The following KIAA1217 variants were observed in gnomAD, a reference collection of about 807,000 sequenced individuals.
The protein encoded by KIAA1217 is KIAA1217, also known as sickle tail protein homolog.
Under a neutral mutation model 163.9 loss-of-function variants are expected in KIAA1217, and 88 were observed. The ratio of observed to expected loss-of-function variants is 0.54; its 90% confidence interval spans 0.45 to 0.64. The LOEUF is 0.64. KIAA1217 is among the 30% of genes least tolerant of loss of function. The pLI is 0.00. For synonymous variants in KIAA1217, 903 were observed against 923.1 expected (o/e 0.98, Z 0.39); for missense variants, 2,372 against 2,475.0 (o/e 0.96, Z 0.88).
At chr10:23,705,776 G>C (rs1836844257) in intron 1 of KIAA1217, among the ~76,000 whole-genome samples, 1 of 152,036 alleles carries the variant, frequency 6.6e-6, no homozygotes, top group Non-Finnish European at 1.5e-5. Flanking sequence ...CTGTGAAAAA[G>C]AAAAAAATAA....
At chr10:23,735,866 A>G (rs1021719750) in intron 1 of KIAA1217, among the ~76,000 whole-genome samples, 4 of 152,244 alleles carry the variant, frequency 2.6e-5, no homozygotes, top group African/African-American at 9.6e-5. Flanking sequence ...GAAACAATCA[A>G]CCATCAACAT....
intron 2 of KIAA1217, among the ~76,000 whole-genome samples, chr10:24,072,413 A>T (rs948718160): frequency 9.2e-5 from 14 of 152,208 alleles, no homozygotes; most frequent in African/African-American, 3.4e-4. Flanking sequence ...TACATTTAAG[A>T]TTGGTCAAAA....
chr10:24,008,229 G>A (rs1396636018), intron 2 of KIAA1217, among the ~76,000 whole-genome samples: 2 of 151,988 alleles, frequency 1.3e-5, no homozygotes, highest in African/African-American at 2.4e-5. Flanking sequence ...TCTCAATACC[G>A]TCTTCATTCA....
intron 3 of KIAA1217, among the ~76,000 whole-genome samples, chr10:24,386,829 T>C (rs924222487): frequency 1.8e-4 from 27 of 152,324 alleles, no homozygotes; most frequent in African/African-American, 5.8e-4. Flanking sequence ...TCCTCCCACA[T>C]TGGCCTCTTA....
At chr10:24,494,640 A>G (rs767681759) in intron 7 of KIAA1217, 36 bp downstream of exon 7, 3 of 1,328,072 alleles carry the variant, frequency 2.3e-6, no homozygotes, top group Non-Finnish European at 3.2e-6. Context: ...AAAATAATTC[A>G]ATCTGTTTCT....
chr10:24,344,771 C>T (rs528620816), intron 2 of KIAA1217, among the ~76,000 whole-genome samples: 7 of 152,148 alleles, frequency 4.6e-5, no homozygotes, highest in Non-Finnish European at 7.4e-5. Context: ...ATTTATATGG[C>T]GAGAAAATAA....
At chr10:24,367,420 T>C (rs969391856) in intron 2 of KIAA1217, among the ~76,000 whole-genome samples, 10 of 152,222 alleles carry the variant, frequency 6.6e-5, no homozygotes, top group Admixed American at 2.6e-4. Context: ...AAATGAACAC[T>C]AATTGCATGC....
chr10:23,695,399 G>A lies in KIAA1217; in HGVS notation c.-321+165G>A, dbSNP rs1001889663. ...AGAGAGGGCAAGGACCCCCCCAGGA[G>A]GGCCAGGCCGGGAGGGGTCCCGGTG... On this transcript the variant is annotated intron_variant, in intron 1 of 18. Transcript: ENST00000376462. This position sits in a 1 kb window ranked among gnomAD's most constrained non-coding sequence, Gnocchi z 4.9. Among the ~76,000 whole-genome samples, 1 of 152,172 alleles carries A rather than the reference G, an allele frequency of 6.6e-6. No individual in the cohort carries two copies. Among genetic ancestry groups the A allele is most frequent in the African/African-American group, 2.4e-5 (1 of 41,458 alleles).
intron 3 of KIAA1217, 23 bp from the exon 4 acceptor site, chr10:24,432,972 A>G: frequency 1.9e-6 from 3 of 1,607,868 alleles, no homozygotes; most frequent in Non-Finnish European, 2.6e-6. Context: ...CCTGTGACTA[A>G]TAACTGTTTC....
intron 17 of KIAA1217, among the ~76,000 whole-genome samples, chr10:24,538,915 G>A (rs1411727296): frequency 1.3e-5 from 2 of 151,530 alleles, no homozygotes; most frequent in Admixed American, 6.6e-5. Flanking sequence ...TGTATTTTTA[G>A]TAGAGATGGG....
intron 2 of KIAA1217, among the ~76,000 whole-genome samples, chr10:24,234,875 G>A (rs938785360): frequency 2.0e-5 from 3 of 152,072 alleles, no homozygotes; most frequent in South Asian, 2.1e-4. Flanking sequence ...ATTTAAATGC[G>A]AAACAATGGC....
chr10:24,382,842 TTC>T (rs55715407), intron 3 of KIAA1217, among the ~76,000 whole-genome samples: 42,125 of 113,956 alleles, frequency 0.37, 6,677 homozygotes, highest in African/African-American at 0.52. Context: ...GGTTTTTCTT[TTC>T]TTTTTTTTTT....
intron 1 of KIAA1217, among the ~76,000 whole-genome samples, chr10:23,924,465 T>G (rs187073963): frequency 6.6e-6 from 1 of 152,180 alleles, no homozygotes; most frequent in Non-Finnish European, 1.5e-5. Flanking sequence ...AAGAGGAAGA[T>G]GTAAAGATGA....
chr10:24,158,621 C>A, intron 2 of KIAA1217: 1 of 508,964 alleles, frequency 2.0e-6, no homozygotes, highest in Non-Finnish European at 4.0e-6. Context: ...TTCGCCTTTA[C>A]ACCACCAATC....
At chr10:24,175,032 T>C (rs1381973941) in intron 2 of KIAA1217, among the ~76,000 whole-genome samples, 2 of 151,450 alleles carry the variant, frequency 1.3e-5, no homozygotes, top group Non-Finnish European at 2.9e-5. Context: ...AATTTTTTTT[T>C]TTTATTTTCA....
chr10:24,207,282 T>TCTCA (rs529791287), upstream of KIAA1217, among the ~76,000 whole-genome samples: 314 of 140,232 alleles, frequency 2.2e-3, no homozygotes, highest in Middle Eastern at 3.6e-3. Context: ...TCTCTCTCTC[T>TCTCA]CACACACACA....
At chr10:24,340,417 G>T (rs561745716) in intron 2 of KIAA1217, among the ~76,000 whole-genome samples, 1 of 152,100 alleles carries the variant, frequency 6.6e-6, no homozygotes, top group Non-Finnish European at 1.5e-5. Context: ...CTGCTGCCAC[G>T]TAAGCCATGC....
chr10:23,766,872 G>A (rs1318511586), intron 1 of KIAA1217, among the ~76,000 whole-genome samples: 13 of 152,138 alleles, frequency 8.5e-5, no homozygotes, highest in African/African-American at 1.2e-4. Flanking sequence ...GATTACAGGC[G>A]TGAGCCATCA....
At chr10:24,093,193 G>A (rs537525540) in intron 2 of KIAA1217, among the ~76,000 whole-genome samples, 8 of 150,962 alleles carry the variant, frequency 5.3e-5, no homozygotes, top group South Asian at 2.1e-4. Context: ...TTTTTGAGAC[G>A]GAGTTTTACT....
Sources: gnomAD v4.1 joint callset for allele counts (sites outside exome capture counted in the v4.1 genomes callset) on GRCh38, gnomAD v4.1.1 for gene constraint, Gnocchi (gnomAD v3.1) non-coding constraint, MANE v1.5 for transcripts, NCBI Gene and HGNC (gene_info 2026-07-23, HGNC 2026-07-21) for gene names.